DMD: variants seen among roughly 807,000 people sequenced by gnomAD.
DMD encodes dystrophin.
Under a neutral mutation model 330.1 loss-of-function variants are expected in DMD, and 63 were observed. The ratio of observed to expected loss-of-function variants is 0.19; its 90% confidence interval spans 0.16 to 0.24. DMD has a LOEUF of 0.24. Ranked by LOEUF, DMD falls within the 10% of genes least tolerant of loss-of-function variation. DMD has a pLI of 1.00. For synonymous variants in DMD, 1,223 were observed against 959.8 expected (o/e 1.27, Z -5.07); for missense variants, 3,344 against 2,684.1 (o/e 1.25, Z -5.43).
intron 7 of DMD, among the ~76,000 whole-genome samples, chrX:32,794,588 C>G (rs1285573583): frequency 9.0e-6 from 1 of 110,514 alleles, no homozygotes. Context: ...GACTCCATCT[C>G]AAAAACAAAA....
At chrX:31,399,631 T>C (rs2061097802) in intron 60 of DMD, among the ~76,000 whole-genome samples, 2 of 111,039 alleles carry the variant, frequency 1.8e-5, no homozygotes, top group Admixed American at 1.9e-4. Flanking sequence ...CTTGACAGGC[T>C]ATGGATACTG....
In DMD at chrX:31,178,425, T is replaced by C. The variant is rs923952985; in HGVS notation, c.10223+244A>G. On this transcript the variant is annotated intron_variant, in intron 70 of 78. Transcript: ENST00000357033. Reference sequence around the variant, plus strand: ...TGTAAGGCAATTAGTGGCTGTATTGTGTTGTGGTTTTTTTTTTTTTTTCCC... The same window carrying C: ...TGTAAGGCAATTAGTGGCTGTATTGCGTTGTGGTTTTTTTTTTTTTTTCCC... 4.2e-6 allele frequency: 4 copies of C among 948,843 alleles called. No individual in the cohort carries two copies. The African/African-American group carries it at 6.5e-5, about 15-fold the overall frequency. The allele number at this position is 948,843 out of a possible 1,213,427, so 78.2% of individuals were successfully genotyped here.
chrX:31,855,100 C>T (rs1334537859), intron 48 of DMD, among the ~76,000 whole-genome samples: 1 of 112,140 alleles, frequency 8.9e-6, no homozygotes, highest in Non-Finnish European at 1.9e-5. Flanking sequence ...TCCTTCCTTT[C>T]TCTTATATAC....
intron 55 of DMD, among the ~76,000 whole-genome samples, chrX:31,526,980 C>T (rs1569549489): frequency 1.8e-5 from 2 of 110,899 alleles, no homozygotes; most frequent in Non-Finnish European, 3.8e-5. Flanking sequence ...TGTGGTGGCA[C>T]GTGCCTGTAG....
rs1237387417 is a variant in DMD, at chrX:32,538,509, C to A, written c.2168+6650G>T. Among the ~76,000 whole-genome samples the A allele has an allele frequency of 4.5e-5, 5 of 111,055 alleles. No individual in the cohort carries two copies. In the South Asian group the frequency reaches 1.6e-3, roughly 35 times the overall value. On this transcript the variant is annotated intron_variant, in intron 17 of 78. Coordinates refer to ENST00000357033, the MANE Select transcript of DMD (RefSeq NM_004006.3). ...TCCGTGACTCTCTTTTCAGACTCAG[C>A]CTGCCTGCACCCAGGTGAAATAGAC...
intron 78 of DMD, among the ~76,000 whole-genome samples, chrX:31,126,425 C>A (rs2033660538): frequency 8.9e-6 from 1 of 111,878 alleles, no homozygotes; most frequent in Non-Finnish European, 1.9e-5. Context: ...TTGCTCCCAA[C>A]CCCAGTCTTG....
At chrX:32,523,885 T>C (rs1321022050) in intron 17 of DMD, among the ~76,000 whole-genome samples, 1 of 110,928 alleles carries the variant, frequency 9.0e-6, no homozygotes, top group Non-Finnish European at 1.9e-5. Context: ...GAAACAAAGT[T>C]GTTTGTTTTT....
At chrX:32,136,160 AT>A (rs761689962) in intron 44 of DMD, among the ~76,000 whole-genome samples, 1 of 112,578 alleles carries the variant, frequency 8.9e-6, no homozygotes, top group African/African-American at 3.2e-5. Context: ...TTTTAGTAAT[AT>A]TTTTCATTGT....
At chrX:31,449,309 G>C (rs1286109164) in intron 59 of DMD, among the ~76,000 whole-genome samples, 1 of 111,176 alleles carries the variant, frequency 9.0e-6, no homozygotes, top group Admixed American at 9.6e-5. Flanking sequence ...CTGTGAGAGG[G>C]AGTTGACCTA....
At chrX:32,959,398 A>C (rs778037189) in intron 2 of DMD, among the ~76,000 whole-genome samples, 1 of 111,612 alleles carries the variant, frequency 9.0e-6, no homozygotes, top group African/African-American at 3.3e-5. Flanking sequence ...TGTAAAACAC[A>C]CCACTGTGGG....
intron 16 of DMD, among the ~76,000 whole-genome samples, chrX:32,559,113 G>T (rs1165566300): frequency 9.2e-6 from 1 of 108,947 alleles, no homozygotes; most frequent in Non-Finnish European, 1.9e-5. Flanking sequence ...ACCATGCCTG[G>T]CTACTTTTTT....
At chrX:32,437,101 C>T (rs780291445) in intron 29 of DMD, among the ~76,000 whole-genome samples, 1 of 112,298 alleles carries the variant, frequency 8.9e-6, no homozygotes, top group East Asian at 2.8e-4. Context: ...TCACAACCCA[C>T]ATTGAAATGA....
At chrX:32,603,376 A>C (rs1179538398) in intron 12 of DMD, among the ~76,000 whole-genome samples, 1 of 111,490 alleles carries the variant, frequency 9.0e-6, no homozygotes, top group Admixed American at 9.6e-5. Context: ...CTAAGATGGA[A>C]ATTTATAGCA....
chrX:31,575,160 A>G (rs2076034484), intron 55 of DMD, among the ~76,000 whole-genome samples: 1 of 111,944 alleles, frequency 8.9e-6, no homozygotes, highest in Non-Finnish European at 1.9e-5. Context: ...TGGCCAATCT[A>G]GCTATTTAAA....
At chrX:33,019,576 T>C (rs774797252) in intron 2 of DMD, among the ~76,000 whole-genome samples, 1 of 111,568 alleles carries the variant, frequency 9.0e-6, no homozygotes, top group Admixed American at 9.6e-5. Context: ...CCACCTATAA[T>C]CATCTAGAGT....
intron 48 of DMD, among the ~76,000 whole-genome samples, chrX:31,848,330 G>A (rs768046790): frequency 1.8e-5 from 2 of 111,194 alleles, no homozygotes; most frequent in South Asian, 3.8e-4. Flanking sequence ...CTTTTATCTC[G>A]CAAATGGCCT....
At chrX:31,284,825 AACACACACACACAC>A (rs61401043) in intron 62 of DMD, among the ~76,000 whole-genome samples, 7 of 91,485 alleles carry the variant, frequency 7.7e-5, no homozygotes, top group East Asian at 6.8e-4. Flanking sequence ...TAATGGCTTA[AACACACACACACAC>A]ACACACACAC....
At chrX:31,225,380 T>C (rs180690021) in intron 63 of DMD, among the ~76,000 whole-genome samples, 2 of 112,606 alleles carry the variant, frequency 1.8e-5, no homozygotes, top group Admixed American at 1.9e-4. Context: ...AATTAATAGT[T>C]AGACGGGCCT....
chrX:32,013,009 C>T (rs763872660), intron 44 of DMD, among the ~76,000 whole-genome samples: 5 of 109,543 alleles, frequency 4.6e-5, no homozygotes, highest in East Asian at 5.7e-4. Flanking sequence ...CCCACTGCTA[C>T]GTCAAGTGTG....
Sources: allele counts gnomAD v4.1 joint callset (sites outside exome capture counted in the v4.1 genomes callset), GRCh38; gene constraint gnomAD v4.1.1; transcripts MANE v1.5; gene names NCBI Gene and HGNC (gene_info 2026-07-23, HGNC 2026-07-21).